The following NCKAP5 variants were observed in gnomAD, a reference collection of about 807,000 sequenced individuals.
The protein encoded by NCKAP5 is NCK associated protein 5.
In NCKAP5, 92 loss-of-function variants were observed where a neutral mutation model predicts 167.0. The observed-to-expected ratio is 0.55, with a 90% CI of 0.47 to 0.66. The LOEUF (loss-of-function observed/expected upper bound fraction) is 0.66, where lower values mean the gene tolerates loss of function less well. NCKAP5 is among the 30% of genes least tolerant of loss of function. NCKAP5 has a pLI of 0.00. For missense variants in NCKAP5, 2,378 were observed against 2,315.0 expected, an observed-to-expected ratio of 1.03 and a Z score of -0.56; for synonymous variants, 891 against 877.4, an observed-to-expected ratio of 1.02 and a Z score of -0.27.
chr2:133,437,345 T>G (rs896428257), intron 3 of NCKAP5, among the ~76,000 whole-genome samples: 1 of 123,782 alleles, frequency 8.1e-6, no homozygotes, highest in Non-Finnish European at 1.6e-5. Context: ...AGTGCGAGAC[T>G]CTGTCTCAAA....
intron 3 of NCKAP5, among the ~76,000 whole-genome samples, chr2:133,392,765 T>C (rs1271327068): frequency 1.3e-5 from 2 of 152,188 alleles, no homozygotes; most frequent in Non-Finnish European, 2.9e-5. Context: ...CTCTTATATA[T>C]ACTCAGAAAG....
the NCKAP5 span, among the ~76,000 whole-genome samples, chr2:133,590,792 C>A: frequency 6.6e-6 from 1 of 152,274 alleles, no homozygotes; most frequent in South Asian, 2.1e-4. Context: ...CCCTTTGACT[C>A]ACTGAAGCAG....
intron 5 of NCKAP5, among the ~76,000 whole-genome samples, chr2:133,146,958 C>T (rs916169025): frequency 1.3e-5 from 2 of 152,090 alleles, no homozygotes; most frequent in African/African-American, 4.8e-5. Flanking sequence ...GCAACAAAGG[C>T]ATTTACAATT....
intron 5 of NCKAP5, among the ~76,000 whole-genome samples, chr2:133,211,921 C>A (rs1574396203): frequency 6.6e-6 from 1 of 152,266 alleles, no homozygotes; most frequent in South Asian, 2.1e-4. Flanking sequence ...AGACAGCTGT[C>A]TGAGATCATT....
chr2:133,664,621 T>G, the NCKAP5 span, among the ~76,000 whole-genome samples: 1 of 152,148 alleles, frequency 6.6e-6, no homozygotes, highest in African/African-American at 2.4e-5. Context: ...TGCCTCAGCC[T>G]CCGTAATAGC....
intron 4 of NCKAP5, among the ~76,000 whole-genome samples, chr2:133,217,325 A>C (rs1458197488): frequency 6.6e-6 from 1 of 152,110 alleles, no homozygotes; most frequent in Admixed American, 6.6e-5. Flanking sequence ...ACCTAAACAA[A>C]AAAACAGAAA....
intron 3 of NCKAP5, among the ~76,000 whole-genome samples, chr2:133,369,410 T>C (rs988333127): frequency 4.6e-5 from 7 of 152,134 alleles, no homozygotes; most frequent in South Asian, 2.1e-4. Context: ...CTGACAGAGA[T>C]AGATGATTTA....
chr2:133,501,076 G>A (rs1200968984), intron 3 of NCKAP5, among the ~76,000 whole-genome samples: 4 of 152,146 alleles, frequency 2.6e-5, no homozygotes, highest in Non-Finnish European at 4.4e-5. Context: ...TGGACAGATC[G>A]CTGGGCTCCG....
chr2:132,920,773 A>ATGTATG (rs1175958033), intron 8 of NCKAP5, among the ~76,000 whole-genome samples: 76 of 3,828 alleles, frequency 0.02, 6 homozygotes, highest in African/African-American at 0.034. Flanking sequence ...ATATGTATGT[A>ATGTATG]TATATATATA....
chr2:133,561,413 G>A (rs1253887572), intron 1 of NCKAP5, among the ~76,000 whole-genome samples: 1 of 152,180 alleles, frequency 6.6e-6, no homozygotes, highest in Non-Finnish European at 1.5e-5. Context: ...AGAAATAAAT[G>A]TCATTTTGAG....
intron 5 of NCKAP5, among the ~76,000 whole-genome samples, chr2:133,141,080 C>T (rs934127778): frequency 6.6e-6 from 1 of 151,948 alleles, no homozygotes; most frequent in Admixed American, 6.6e-5. Context: ...AAGTTTCTCT[C>T]GGTAACAACT....
At chr2:132,697,239 G>A (rs1223893784) in intron 19 of NCKAP5, among the ~76,000 whole-genome samples, 1 of 152,208 alleles carries the variant, frequency 6.6e-6, no homozygotes, top group Non-Finnish European at 1.5e-5. Flanking sequence ...CCTTGGAGGA[G>A]CTGGTCCTCA....
At chr2:133,633,025 G>A in the NCKAP5 span, among the ~76,000 whole-genome samples, 1 of 152,184 alleles carries the variant, frequency 6.6e-6, no homozygotes, top group East Asian at 1.9e-4. Flanking sequence ...GCACTCCTCA[G>A]AAGGAAATGA....
chr2:133,067,541 G>A (rs1227477303), intron 6 of NCKAP5, among the ~76,000 whole-genome samples: 5 of 152,216 alleles, frequency 3.3e-5, no homozygotes, highest in Admixed American at 2.6e-4. Flanking sequence ...AGAGGCTGAT[G>A]TCTGAGGAAA....
the NCKAP5 span, among the ~76,000 whole-genome samples, chr2:133,611,103 C>T: frequency 1.5e-5 from 2 of 136,960 alleles, no homozygotes; most frequent in Non-Finnish European, 3.2e-5. Context: ...ATGTGAAATG[C>T]TAGCCCCCCA....
rs1200756124 is a variant in NCKAP5, at chr2:132,895,822, AAAAAAAAAAAAC to A, written c.580-16918_580-16907del. On this transcript the variant is annotated intron_variant, in intron 8 of 19. Transcript: ENST00000409261. ...TAACTGAATGAGAAGGACTCAAAAA[AAAAAAAAAAAAC>A]AAAAAAAAAAACACAGTAGGCCAGG... Among the ~76,000 whole-genome samples, 1,170 of 149,046 alleles carry A rather than the reference AAAAAAAAAAAAC, an allele frequency of 7.8e-3. 14 individuals carry two copies. Among genetic ancestry groups the A allele is most frequent in the Middle Eastern group, 0.031 (9 of 286 alleles).
At chr2:132,962,614 T>C (rs1314319264) in intron 8 of NCKAP5, among the ~76,000 whole-genome samples, 4 of 150,136 alleles carry the variant, frequency 2.7e-5, no homozygotes, top group Admixed American at 2.0e-4. Context: ...TGTTTGTTTG[T>C]TTTTTTGAGT....
chr2:132,802,836 A>G (rs184936709), intron 11 of NCKAP5, among the ~76,000 whole-genome samples: 1 of 152,312 alleles, frequency 6.6e-6, no homozygotes, highest in Admixed American at 6.5e-5. Flanking sequence ...TGCCTTATTC[A>G]CATACTAGAA....
intron 11 of NCKAP5, among the ~76,000 whole-genome samples, chr2:132,853,501 G>A (rs543956735): frequency 1.3e-5 from 2 of 152,190 alleles, no homozygotes; most frequent in Non-Finnish European, 2.9e-5. Flanking sequence ...TGACACATAT[G>A]ATGGGAAGTC....
Sources: allele counts gnomAD v4.1 joint callset (sites outside exome capture counted in the v4.1 genomes callset), GRCh38; gene constraint gnomAD v4.1.1; transcripts MANE v1.5; gene names NCBI Gene and HGNC (gene_info 2026-07-23, HGNC 2026-07-21).